The following ELL variants were observed in gnomAD, a reference collection of about 807,000 sequenced individuals.
ELL encodes the protein elongation factor for RNA polymerase II.
ELL carries 18 observed loss-of-function variants against 64.0 expected under a neutral mutation model. That is an observed-to-expected ratio of 0.28 (90% CI 0.19 to 0.42). The LOEUF (loss-of-function observed/expected upper bound fraction) is 0.42. ELL is among the 10% of genes least tolerant of loss of function. The pLI is 1.00. For missense variants in ELL, 797 were observed against 870.4 expected (o/e 0.92, Z 1.06); for synonymous variants, 399 against 376.2 (o/e 1.06, Z -0.70).
At chr19:18,469,378 C>T (rs1024835618) in intron 2 of ELL, among the ~76,000 whole-genome samples, 3 of 152,212 alleles carry the variant, frequency 2.0e-5, no homozygotes, top group East Asian at 1.9e-4. Context: ...GGGAAGCCAG[C>T]GGGATGGGAG....
At chr19:18,485,965 G>C (rs1346881053) in intron 1 of ELL, among the ~76,000 whole-genome samples, 1 of 149,890 alleles carries the variant, frequency 6.7e-6, no homozygotes, top group Non-Finnish European at 1.5e-5. Flanking sequence ...CAGCCTGGGC[G>C]ACAGAGCGAG....
At chr19:18,451,042 T>C in intron 7 of ELL, 67 bp from the exon 8 acceptor site, 1 of 1,447,834 alleles carries the variant, frequency 6.9e-7, no homozygotes. Flanking sequence ...GGCAATCCCC[T>C]GGCCTGGCTA....
chr19:18,470,932 C>T (rs541243587), intron 2 of ELL: 6 of 456,196 alleles, frequency 1.3e-5, no homozygotes, highest in Admixed American at 2.4e-5. Context: ...CACAGACACA[C>T]GTCTCCTAGA....
At chr19:18,457,781 G>A (rs1325041839) in intron 6 of ELL, among the ~76,000 whole-genome samples, 3 of 152,168 alleles carry the variant, frequency 2.0e-5, no homozygotes, top group African/African-American at 7.2e-5. Context: ...GCCCTGCCGG[G>A]AGTGTCGTTT....
At chr19:18,492,287 C>T (rs77739541) in intron 1 of ELL, among the ~76,000 whole-genome samples, 22 of 152,326 alleles carry the variant, frequency 1.4e-4, no homozygotes, top group Non-Finnish European at 2.9e-4. Context: ...GTCTCCTGCA[C>T]GGGACAGCTC....
intron 1 of ELL, among the ~76,000 whole-genome samples, chr19:18,494,235 T>A (rs533708418): frequency 6.7e-6 from 1 of 149,392 alleles, no homozygotes; most frequent in South Asian, 2.1e-4. Flanking sequence ...ACGAAAAAAA[T>A]TTTAAAAAGA....
intron 1 of ELL, among the ~76,000 whole-genome samples, chr19:18,512,767 AGGACAACACCTTCACCT>A (rs750350389): frequency 6.6e-6 from 1 of 152,190 alleles, no homozygotes; most frequent in Non-Finnish European, 1.5e-5. Flanking sequence ...TCTCACCTCT[AGGACAACACCTTCACCT>A]GAATTGGGAA....
Position 18,465,490 on chromosome 19 carries a change from G to A in ELL, c.391C>T (p.Arg131Trp), listed in dbSNP as rs375691800. Residue 131 changes from arginine (R) to tryptophan (W), a missense_variant, in exon 4 of 12, where the codon CGG becomes TGG. Arg to Trp is a moderately radical substitution (Grantham distance 101). Transcript: ENST00000262809. ...CATDDSYQKA[R>W]QSMAQAEEET... ...TCCTCCGCCTGGGCCATGCTCTGCC[G>A]CGCCTTCTGGTAGGAGTCGTCGGTG... 1.8e-4 allele frequency: 287 copies of A among 1,612,966 alleles called. No homozygotes were observed. Among genetic ancestry groups the A allele is most frequent in the Non-Finnish European group, 2.3e-4 (272 of 1,179,342 alleles).
At chr19:18,445,080 T>TGG (rs1310821604) in intron 11 of ELL, 144 bp downstream of exon 11, 22 of 1,224,164 alleles carry the variant, frequency 1.8e-5, no homozygotes, top group Middle Eastern at 2.6e-4. Context: ...TAGCTGGGGG[T>TGG]GGTGGGGCAA....
At position 18,494,264 on chromosome 19, in the gene ELL, G is replaced by A. The variant is rs147701749; in HGVS notation, c.136-21382C>T. Among the ~76,000 whole-genome samples the A allele has an allele frequency of 4.0e-3, 615 of 152,158 alleles. 6 individuals are homozygous for A. Among genetic ancestry groups the A allele is most frequent in the African/African-American group, 0.014 (570 of 41,500 alleles). ...AAAAAGAGGGGAGGGGAAGGGGAGG[G>A]GAAGGGAAGGGGAGGGTCAAAGAGA... On this transcript the variant is annotated intron_variant, in intron 1 of 11. Transcript: ENST00000262809.
chr19:18,521,640 G>T (rs189651141), intron 1 of ELL, among the ~76,000 whole-genome samples: 1 of 151,926 alleles, frequency 6.6e-6, no homozygotes, highest in Middle Eastern at 3.4e-3. Flanking sequence ...CCCGGACGCC[G>T]CCAGGTGCCG....
rs145450979 is a variant in ELL at position 18,460,417 on chromosome 19, T to A, written c.744+1161A>T. On this transcript the variant is annotated intron_variant, in intron 5 of 11. Coordinates refer to ENST00000262809, the MANE Select transcript of ELL (RefSeq NM_006532.4). ...GGCCAGGCCTGCTCCCAGGAGGCACTGAACCAAAGTCACCTGGAGAAGCCA... is the reference window on the plus strand; with the variant it reads ...GGCCAGGCCTGCTCCCAGGAGGCACAGAACCAAAGTCACCTGGAGAAGCCA... Among the ~76,000 whole-genome samples the A allele has an allele frequency of 7.1e-3, 1,078 of 152,320 alleles. 14 individuals carry two copies. Among genetic ancestry groups the A allele is most frequent in the African/African-American group, 0.025 (1,030 of 41,564 alleles).
intron 1 of ELL, among the ~76,000 whole-genome samples, chr19:18,511,707 T>C (rs1407786057): frequency 6.6e-6 from 1 of 151,840 alleles, no homozygotes; most frequent in Non-Finnish European, 1.5e-5. Context: ...GGCTTTCCAG[T>C]GGGAAAATTG....
intron 2 of ELL, chr19:18,472,511 TG>T: frequency 2.9e-6 from 1 of 341,588 alleles, no homozygotes; most frequent in Non-Finnish European, 5.3e-6. Context: ...TCCTGCTGTG[TG>T]GGCAGTTCCT....
intron 1 of ELL, among the ~76,000 whole-genome samples, chr19:18,514,850 C>T (rs566538920): frequency 1.3e-5 from 2 of 152,202 alleles, no homozygotes. Context: ...GGCTGATGCC[C>T]CCTGAGAAGC....
Position 18,443,670 on chromosome 19 carries a change from G to A in ELL, c.*1082C>T, listed in dbSNP as rs1004102392. 5 of 233,240 alleles carry A rather than the reference G, an allele frequency of 2.1e-5. No homozygotes were observed. Among genetic ancestry groups the A allele is most frequent in the Non-Finnish European group, 3.4e-5 (4 of 117,992 alleles). The allele number at this position is 233,240 out of a possible 1,614,324, so 14.4% of individuals were successfully genotyped here. The stretch of plus-strand genomic sequence containing the variant: ...GCACAGCAACAGAGCAGCAATTGGG[G>A]TGTCTGCAGAGCCTGCACCCCCAGA... On this transcript the variant is annotated 3_prime_UTR_variant, in exon 12 of 12. Transcript: ENST00000262809.
chr19:18,470,613 T>G (rs1464406799), intron 2 of ELL, among the ~76,000 whole-genome samples: 1 of 152,188 alleles, frequency 6.6e-6, no homozygotes, highest in Non-Finnish European at 1.5e-5. Flanking sequence ...CCCCTGGAGA[T>G]TCATTATTCC....
chr19:18,483,363 G>A (rs906119336), intron 1 of ELL, among the ~76,000 whole-genome samples: 1 of 152,224 alleles, frequency 6.6e-6, no homozygotes, highest in African/African-American at 2.4e-5. Flanking sequence ...GCGCTCAGCA[G>A]GTGAGCAGAA....
intron 1 of ELL, among the ~76,000 whole-genome samples, chr19:18,513,697 T>A (rs1267986295): frequency 6.6e-6 from 1 of 151,956 alleles, no homozygotes; most frequent in Non-Finnish European, 1.5e-5. Context: ...TTTGGGAGGC[T>A]GAGGCGGGCG....
Sources: allele counts gnomAD v4.1 joint callset (sites outside exome capture counted in the v4.1 genomes callset), GRCh38; gene constraint gnomAD v4.1.1; transcripts MANE v1.5; gene names NCBI Gene and HGNC (gene_info 2026-07-23, HGNC 2026-07-21).